AMMECR1: variants seen among roughly 807,000 people sequenced by gnomAD.
The protein encoded by AMMECR1 is nuclear protein AMMECR1.
Under a neutral mutation model 22.5 loss-of-function variants are expected in AMMECR1, and 3 were observed. The ratio of observed to expected loss-of-function variants is 0.13; its 90% CI spans 0.06 to 0.35. The LOEUF (loss-of-function observed/expected upper bound fraction) is 0.35, where lower values mean the gene tolerates loss of function less well. AMMECR1 is among the 10% of genes least tolerant of loss of function. The pLI is 1.00. For missense variants in AMMECR1, 235 were observed against 278.7 expected, an observed-to-expected ratio of 0.84 and a Z score of 1.12; for synonymous variants, 130 against 116.7, an observed-to-expected ratio of 1.11 and a Z score of -0.74.
At chrX:110,210,288 A>T (rs1177764569) in intron 3 of AMMECR1, among the ~76,000 whole-genome samples, 1 of 110,734 alleles carries the variant, frequency 9.0e-6, no homozygotes, top group Non-Finnish European at 1.9e-5. Context: ...GAGCATCAAG[A>T]AAGGACTAAT....
At chrX:110,235,609 T>C (rs1048018791) in intron 2 of AMMECR1, among the ~76,000 whole-genome samples, 6 of 112,436 alleles carry the variant, frequency 5.3e-5, no homozygotes, top group Non-Finnish European at 7.5e-5. Context: ...GTGGCACATA[T>C]ACACCATGGA....
At chrX:110,402,549 C>T (rs1484092951) in intron 2 of AMMECR1, among the ~76,000 whole-genome samples, 1 of 112,434 alleles carries the variant, frequency 8.9e-6, no homozygotes, top group Non-Finnish European at 1.9e-5. Context: ...AGCTGTGTCC[C>T]CGGCTCCATT....
intron 3 of AMMECR1, among the ~76,000 whole-genome samples, chrX:110,204,263 C>T (rs2067411126): frequency 9.0e-6 from 1 of 111,212 alleles, no homozygotes; most frequent in African/African-American, 3.3e-5. Flanking sequence ...GTAATTTATA[C>T]TCCATCATCC....
At chrX:110,296,969 T>C (rs745692480) in intron 1 of AMMECR1, among the ~76,000 whole-genome samples, 2 of 111,165 alleles carry the variant, frequency 1.8e-5, no homozygotes, top group Non-Finnish European at 3.8e-5. Context: ...TTTTAAACAA[T>C]ATAAAGTAGA....
At chrX:110,411,777 A>G (rs767472035) in intron 2 of AMMECR1, among the ~76,000 whole-genome samples, 1 of 112,561 alleles carries the variant, frequency 8.9e-6, no homozygotes, top group Non-Finnish European at 1.9e-5. Flanking sequence ...AGCACTTACC[A>G]TGATTTACAA....
chrX:110,248,372 C>T (rs570343901), intron 2 of AMMECR1, among the ~76,000 whole-genome samples: 16 of 107,269 alleles, frequency 1.5e-4, no homozygotes, highest in African/African-American at 4.5e-4. Context: ...GGTGACAGAG[C>T]GAGATCCTGT....
chrX:110,233,795 A>G (rs1199473170), intron 2 of AMMECR1, among the ~76,000 whole-genome samples: 1 of 111,738 alleles, frequency 8.9e-6, no homozygotes, highest in East Asian at 2.8e-4. Context: ...CATGCTAAAA[A>G]CTCTCAATAA....
At chrX:110,367,308 T>G (rs1034698416) in intron 2 of AMMECR1, among the ~76,000 whole-genome samples, 1 of 111,976 alleles carries the variant, frequency 8.9e-6, no homozygotes, top group African/African-American at 3.2e-5. Context: ...TGCTCATTCG[T>G]TCCAATTTCT....
intron 2 of AMMECR1, among the ~76,000 whole-genome samples, chrX:110,344,187 C>A (rs754303625): frequency 9.0e-6 from 1 of 111,705 alleles, no homozygotes; most frequent in Non-Finnish European, 1.9e-5. Flanking sequence ...AGAAATAATA[C>A]CACACATCCA....
chrX:110,354,201 C>T (rs773652198), intron 2 of AMMECR1, among the ~76,000 whole-genome samples: 2 of 111,169 alleles, frequency 1.8e-5, no homozygotes, highest in African/African-American at 3.3e-5. Flanking sequence ...TCTTAATGGC[C>T]GAAGCAACTT....
At chrX:110,299,196 A>G (rs2067953190) in intron 1 of AMMECR1, among the ~76,000 whole-genome samples, 1 of 111,873 alleles carries the variant, frequency 8.9e-6, no homozygotes, top group South Asian at 3.7e-4. Context: ...TTTTGAAAAA[A>G]AATTAAGCAA....
At chrX:110,223,208 T>C (rs1224829683) in intron 2 of AMMECR1, among the ~76,000 whole-genome samples, 6 of 112,745 alleles carry the variant, frequency 5.3e-5, no homozygotes, top group Non-Finnish European at 1.1e-4. Flanking sequence ...GTATTTCTTA[T>C]TTCCCTCTAC....
chrX:110,368,221 T>C (rs887087574), intron 2 of AMMECR1, among the ~76,000 whole-genome samples: 4 of 110,257 alleles, frequency 3.6e-5, no homozygotes, highest in African/African-American at 1.3e-4. Flanking sequence ...CTTGGATCAT[T>C]ACATAATCCA....
At chrX:110,226,315 A>G (rs778174285) in intron 2 of AMMECR1, among the ~76,000 whole-genome samples, 1 of 112,614 alleles carries the variant, frequency 8.9e-6, no homozygotes, top group South Asian at 3.7e-4. Flanking sequence ...AAAAACAGGT[A>G]AGAGAGCTGG....
At chrX:110,376,034 T>A (rs774125495) in intron 2 of AMMECR1, among the ~76,000 whole-genome samples, 1 of 111,780 alleles carries the variant, frequency 8.9e-6, no homozygotes, top group East Asian at 2.8e-4. Flanking sequence ...ATTTTAGTGA[T>A]GTGGAAACTG....
intron 2 of AMMECR1, among the ~76,000 whole-genome samples, chrX:110,222,533 A>G (rs1391343879): frequency 1.0e-5 from 1 of 98,939 alleles, no homozygotes; most frequent in Non-Finnish European, 2.0e-5. Flanking sequence ...CCAGCATGGC[A>G]CATGTATACA....
chrX:110,407,421 C>T (rs998245155), intron 2 of AMMECR1, among the ~76,000 whole-genome samples: 1 of 111,791 alleles, frequency 8.9e-6, no homozygotes, highest in Non-Finnish European at 1.9e-5. Flanking sequence ...CAGGTAAGGT[C>T]AGCAGAAGCC....
At chrX:110,287,230 A>G (rs1233083361) in intron 1 of AMMECR1, among the ~76,000 whole-genome samples, 2 of 112,622 alleles carry the variant, frequency 1.8e-5, no homozygotes, top group East Asian at 5.6e-4. Flanking sequence ...AAATAGAACC[A>G]AAATGCAGAG....
intron 2 of AMMECR1, among the ~76,000 whole-genome samples, chrX:110,340,586 C>CA (rs1310822502): frequency 8.9e-6 from 1 of 111,744 alleles, no homozygotes; most frequent in African/African-American, 3.3e-5. Context: ...TGACCATGAA[C>CA]AAATCATATA....
Sources: allele counts gnomAD v4.1 joint callset (sites outside exome capture counted in the v4.1 genomes callset), GRCh38; gene constraint gnomAD v4.1.1; transcripts MANE v1.5; gene names NCBI Gene and HGNC (gene_info 2026-07-23, HGNC 2026-07-21).